SEZ6L: variants seen among roughly 807,000 people sequenced by gnomAD.
SEZ6L encodes the protein seizure related 6 homolog like.
A neutral mutation model predicts 106.2 loss-of-function variants in SEZ6L; 37 were observed. The observed-to-expected ratio is 0.35, with a 90% CI of 0.27 to 0.46. The LOEUF is 0.46. Ranked by LOEUF, SEZ6L falls within the 20% of genes least tolerant of loss-of-function variation. The pLI is 1.00. For missense variants in SEZ6L, 1,172 were observed against 1,332.8 expected (o/e 0.88, Z 1.88); for synonymous variants, 541 against 570.4 (o/e 0.95, Z 0.73).
chr22:26,342,806 C>A (rs946269718), intron 10 of SEZ6L, among the ~76,000 whole-genome samples: 6 of 152,194 alleles, frequency 3.9e-5, no homozygotes, highest in African/African-American at 1.4e-4. Flanking sequence ...TCTGCGCCAA[C>A]CTAATAATAT....
intron 1 of SEZ6L, among the ~76,000 whole-genome samples, chr22:26,236,460 T>C (rs571235075): frequency 2.1e-4 from 32 of 152,292 alleles, no homozygotes. Context: ...ATTTGGTCGA[T>C]CTCTCTGGGA....
chr22:26,169,776 AGGGGC>A lies in SEZ6L; in HGVS notation c.94+22_94+26del. 1.6e-6 allele frequency: 2 copies of A among 1,230,862 alleles called. No homozygotes were observed. Among genetic ancestry groups the A allele is most frequent in the Non-Finnish European group, 2.0e-6 (2 of 982,246 alleles). 76.2% of individuals were successfully genotyped at this position (1,230,862 alleles called of 1,614,324 possible). A position where few individuals can be genotyped will look rare whatever the true frequency, so the allele number is the denominator to read the frequency against. ...GCGCTGGAGCGAGGTAAGCGCCCCGAGGGGCGGGGCGGGCAGGGGGCAAAGTTGCC... is the reference window on the plus strand; with the variant it reads ...GCGCTGGAGCGAGGTAAGCGCCCCGAGGGGCGGGCAGGGGGCAAAGTTGCC... On this transcript the variant is annotated intron_variant, in intron 1 of 16. Transcript: ENST00000248933.
intron 1 of SEZ6L, among the ~76,000 whole-genome samples, chr22:26,179,373 A>G (rs1939233704): frequency 6.6e-6 from 1 of 152,194 alleles, no homozygotes; most frequent in South Asian, 2.1e-4. Context: ...CCTGAGTGAC[A>G]GAGCAAGACC....
chr22:26,256,880 C>T (rs1418953978), intron 1 of SEZ6L, among the ~76,000 whole-genome samples: 1 of 152,178 alleles, frequency 6.6e-6, no homozygotes, highest in Non-Finnish European at 1.5e-5. Context: ...GGCTGAGATT[C>T]CTTCAAGAGG....
rs2081552135 is a variant in SEZ6L, at chr22:26,304,366, A to AAAC, written c.1349-1611_1349-1610insCAA. Among the ~76,000 whole-genome samples the AAAC allele has an allele frequency of 5.9e-5, 5 of 85,318 alleles. 1 individual carries two copies. Among genetic ancestry groups the AAAC allele is most frequent in the Admixed American group, 1.2e-4 (1 of 8,262 alleles). 56.0% of individuals were successfully genotyped at this position (85,318 alleles called of 152,430 possible). On this transcript the variant is annotated intron_variant, in intron 5 of 16. Coordinates refer to ENST00000248933, the MANE Select transcript of SEZ6L (RefSeq NM_021115.5). ...GAGTTTGTCTCAAAAAAAAAAAAAG[A>AAAC]AAGAAGAAAGAAAGAAAGAAAGAAA...
rs905084927 is a variant in SEZ6L at position 26,293,115 on chromosome 22, C to G, written c.804C>G (p.Thr268=). The G allele has an allele frequency of 6.3e-7, 1 of 1,583,464 alleles. No individual in the cohort carries two copies. The highest frequency in any genetic ancestry group is 1.4e-5 in the African/African-American group (1 of 73,848). The change falls in exon 2 of 17, where the codon ACC becomes ACG. Residue 268 remains threonine (T), a synonymous_variant. Transcript: ENST00000248933. ...AGACCACTACCTCCACCATTATCAC[C>G]ACCACGGTCATCACCACCGAGCAGG... ...SQETTTSTII[T]TTVITTEQAP... is the part of the protein sequence containing the mutation.
chr22:26,191,016 GAA>G (rs1569365038), intron 1 of SEZ6L, among the ~76,000 whole-genome samples: 1 of 152,186 alleles, frequency 6.6e-6, no homozygotes, highest in Non-Finnish European at 1.5e-5. Context: ...AAAGTGTGCA[GAA>G]AAAGATACGG....
chr22:26,292,480 C>T lies in SEZ6L; in HGVS notation c.169C>T (p.Pro57Ser). The T allele has an allele frequency of 6.2e-7, 1 of 1,614,002 alleles. No individual in the cohort carries two copies. The highest frequency in any genetic ancestry group is 8.5e-7 in the Non-Finnish European group (1 of 1,179,944). The change falls in exon 2 of 17, where the codon CCT becomes TCT. Residue 57 changes from proline (P) to serine (S), a missense_variant. By Grantham distance (74) the Pro-to-Ser change is moderately conservative. Coordinates refer to ENST00000248933, the MANE Select transcript of SEZ6L (RefSeq NM_021115.5). ...LPSGAPERGS[P>S]GKEHPEERVV... ...CTCAGGAGCCCCGGAGAGAGGCAGTCCTGGCAAAGAGCACCCTGAAGAGAG... is the reference window on the plus strand; with the variant it reads ...CTCAGGAGCCCCGGAGAGAGGCAGTTCTGGCAAAGAGCACCCTGAAGAGAG...
At chr22:26,187,705 C>T (rs925180380) in intron 1 of SEZ6L, among the ~76,000 whole-genome samples, 14 of 152,158 alleles carry the variant, frequency 9.2e-5, no homozygotes, top group Non-Finnish European at 1.6e-4. Context: ...AAATCCACCC[C>T]TCCCCGCCTC....
intron 1 of SEZ6L, among the ~76,000 whole-genome samples, chr22:26,258,698 A>G (rs888186361): frequency 1.6e-4 from 24 of 152,196 alleles, no homozygotes; most frequent in African/African-American, 5.8e-4. Flanking sequence ...TGTATATCAT[A>G]TCTATCTAGA....
chr22:26,280,770 A>C (rs137195), intron 1 of SEZ6L, among the ~76,000 whole-genome samples: 6,750 of 152,264 alleles, frequency 0.044, 487 homozygotes, highest in African/African-American at 0.15. Context: ...AAATTTATCT[A>C]TTTTTAATTG....
intron 9 of SEZ6L, among the ~76,000 whole-genome samples, chr22:26,319,820 A>G (rs757198812): frequency 1.2e-4 from 18 of 152,236 alleles, no homozygotes; most frequent in African/African-American, 1.7e-4. Flanking sequence ...TGCATGGCCC[A>G]TAGTAGGTGC....
At chr22:26,237,508 GAT>G (rs1254132899) in intron 1 of SEZ6L, among the ~76,000 whole-genome samples, 1 of 152,218 alleles carries the variant, frequency 6.6e-6, no homozygotes, top group Admixed American at 6.5e-5. Context: ...GTATCCTGAT[GAT>G]ACCTACCTGT....
intron 1 of SEZ6L, among the ~76,000 whole-genome samples, chr22:26,195,507 A>G (rs900012639): frequency 1.1e-4 from 17 of 152,210 alleles, no homozygotes; most frequent in Non-Finnish European, 2.1e-4. Flanking sequence ...AGTGTTTGGC[A>G]CTGTGCTTGG....
intron 1 of SEZ6L, among the ~76,000 whole-genome samples, chr22:26,246,867 T>C (rs1290069282): frequency 6.6e-6 from 1 of 152,226 alleles, no homozygotes; most frequent in Non-Finnish European, 1.5e-5. Flanking sequence ...CATCTTCTAA[T>C]GCATTTCCTT....
At chr22:26,216,283 CCT>C (rs1214989016) in intron 1 of SEZ6L, among the ~76,000 whole-genome samples, 1 of 152,186 alleles carries the variant, frequency 6.6e-6, no homozygotes, top group Non-Finnish European at 1.5e-5. Flanking sequence ...CAGAACTTTT[CCT>C]GAGAAATCAC....
At chr22:26,255,680 C>T (rs926719073) in intron 1 of SEZ6L, among the ~76,000 whole-genome samples, 1 of 152,206 alleles carries the variant, frequency 6.6e-6, no homozygotes, top group Admixed American at 6.5e-5. Flanking sequence ...GGGGCTGTCA[C>T]CTCCATGTCT....
At chr22:26,221,612 A>G (rs2078471013) in intron 1 of SEZ6L, among the ~76,000 whole-genome samples, 2 of 152,218 alleles carry the variant, frequency 1.3e-5, no homozygotes, top group African/African-American at 4.8e-5. Context: ...GTCAATGGCT[A>G]TCATTACTAT....
intron 6 of SEZ6L, among the ~76,000 whole-genome samples, chr22:26,308,498 G>A (rs2081709928): frequency 6.6e-6 from 1 of 152,028 alleles, no homozygotes; most frequent in Non-Finnish European, 1.5e-5. Flanking sequence ...AAGATTTTAA[G>A]ATGATTTTCC....
Sources: allele counts gnomAD v4.1 joint callset (sites outside exome capture counted in the v4.1 genomes callset), GRCh38; gene constraint gnomAD v4.1.1; transcripts MANE v1.5; gene names NCBI Gene and HGNC (gene_info 2026-07-23, HGNC 2026-07-21).